ZNF385D: variants seen among roughly 807,000 people sequenced by gnomAD.
ZNF385D encodes zinc finger protein 659.
Under a neutral mutation model 35.8 loss-of-function variants are expected in ZNF385D, and 15 were observed. That is an observed-to-expected ratio of 0.42 (90% confidence interval 0.28 to 0.64). The LOEUF is 0.64. Among genes scored for constraint, ZNF385D ranks in the 30% least tolerant of loss-of-function variants. The pLI is 0.23. For synonymous variants in ZNF385D, 212 were observed against 186.8 expected, an observed-to-expected ratio of 1.13 and a Z score of -1.10; for missense variants, 474 against 494.6, an observed-to-expected ratio of 0.96 and a Z score of 0.39.
At chr3:21,581,678 A>T (rs575285912) in intron 2 of ZNF385D, among the ~76,000 whole-genome samples, 9 of 152,222 alleles carry the variant, frequency 5.9e-5, no homozygotes, top group Non-Finnish European at 1.2e-4. Context: ...TTGCATTGTT[A>T]TCTGAAGGTG....
chr3:22,197,911 T>C (rs1215854612), intron 2 of ZNF385D, among the ~76,000 whole-genome samples: 3 of 152,148 alleles, frequency 2.0e-5, no homozygotes. Context: ...CTTTTTGTTA[T>C]CATTTTATGT....
At position 21,743,948 on chromosome 3, in the gene ZNF385D, A is replaced by G. The variant is rs116175887; in HGVS notation, c.22+6947T>C. ...AAACACAAACGCATATTGGATCCCA[A>G]TTATTTGACTCATTTCTCAAGCTAT... On this transcript the variant is annotated intron_variant, in intron 1 of 7. Coordinates refer to ENST00000281523, the MANE Select transcript of ZNF385D (RefSeq NM_024697.3). Among the ~76,000 whole-genome samples the G allele has an allele frequency of 3.6e-3, 541 of 152,356 alleles. 3 individuals are homozygous for G. The highest frequency in any genetic ancestry group is 0.013 in the African/African-American group (530 of 41,586).
chr3:22,171,989 T>A (rs1393277707), intron 2 of ZNF385D, among the ~76,000 whole-genome samples: 4 of 151,734 alleles, frequency 2.6e-5, no homozygotes, highest in East Asian at 1.9e-4. Context: ...TCCTCCCCAA[T>A]ATGGTAAAAA....
In ZNF385D at chr3:21,724,296, T is replaced by C. The variant is rs549738771; in HGVS notation, c.22+26599A>G. On this transcript the variant is annotated intron_variant, in intron 1 of 7. Transcript: ENST00000281523. ...ATAATGACAGGCTCAAATTCGCACA[T>C]AACAATATTAACCTTAAATGTAACA... Among the ~76,000 whole-genome samples the C allele has an allele frequency of 2.0e-3, 307 of 151,660 alleles. 2 individuals carry two copies. The highest frequency in any genetic ancestry group is 7.2e-3 in the African/African-American group (296 of 41,278).
intron 3 of ZNF385D, among the ~76,000 whole-genome samples, chr3:21,997,866 C>CGTGT (rs1162271257): frequency 1.0e-5 from 1 of 97,808 alleles, no homozygotes; most frequent in African/African-American, 3.4e-5. Context: ...GGCGCGCGCG[C>CGTGT]GCGCGCGTGT....
chr3:21,887,061 G>T (rs1229488084), intron 3 of ZNF385D, among the ~76,000 whole-genome samples: 1 of 152,130 alleles, frequency 6.6e-6, no homozygotes, highest in Non-Finnish European at 1.5e-5. Context: ...TTATGGATGT[G>T]TCAAGTTGCC....
At chr3:21,566,785 T>C (rs2063162706) in intron 2 of ZNF385D, among the ~76,000 whole-genome samples, 1 of 152,174 alleles carries the variant, frequency 6.6e-6, no homozygotes, top group African/African-American at 2.4e-5. Context: ...TGAGGATAAT[T>C]GTCACACAGA....
chr3:22,017,148 G>A (rs1182217908), intron 3 of ZNF385D, among the ~76,000 whole-genome samples: 1 of 151,810 alleles, frequency 6.6e-6, no homozygotes, highest in Non-Finnish European at 1.5e-5. Context: ...ATATTTTTAT[G>A]GTTATGAGAG....
intron 3 of ZNF385D, among the ~76,000 whole-genome samples, chr3:22,104,791 C>T (rs1332371967): frequency 2.0e-5 from 3 of 152,070 alleles, no homozygotes; most frequent in East Asian, 1.9e-4. Flanking sequence ...TTCTGTGCCA[C>T]GAAGTATACT....
intron 3 of ZNF385D, among the ~76,000 whole-genome samples, chr3:21,535,482 C>T (rs1285742394): frequency 1.3e-5 from 2 of 152,030 alleles, no homozygotes; most frequent in Non-Finnish European, 2.9e-5. Context: ...GTTAAAGCAA[C>T]AGAAAAATGT....
chr3:21,890,794 G>C (rs769338822), intron 3 of ZNF385D, among the ~76,000 whole-genome samples: 1 of 152,156 alleles, frequency 6.6e-6, no homozygotes, highest in Non-Finnish European at 1.5e-5. Flanking sequence ...GTAATAAAGA[G>C]TCAAAAAGAT....
At chr3:21,602,518 T>C (rs1358791270) in intron 2 of ZNF385D, among the ~76,000 whole-genome samples, 5 of 17,336 alleles carry the variant, frequency 2.9e-4, no homozygotes, top group African/African-American at 1.7e-3. Context: ...CTGCATTTTC[T>C]TTTTTTTTTT....
chr3:22,029,925 G>T (rs566003611), intron 3 of ZNF385D, among the ~76,000 whole-genome samples: 1 of 152,080 alleles, frequency 6.6e-6, no homozygotes, highest in South Asian at 2.1e-4. Flanking sequence ...ACAAAGTATT[G>T]ATCCCCTGGA....
intron 2 of ZNF385D, among the ~76,000 whole-genome samples, chr3:22,264,199 AGTATGT>A (rs1700779754): frequency 6.6e-6 from 1 of 152,036 alleles, no homozygotes; most frequent in African/African-American, 2.4e-5. Flanking sequence ...AAATTCAGTA[AGTATGT>A]GACAAAGTGA....
chr3:21,905,360 G>A (rs1042974577), intron 3 of ZNF385D, among the ~76,000 whole-genome samples: 1 of 151,992 alleles, frequency 6.6e-6, no homozygotes, highest in African/African-American at 2.4e-5. Context: ...AGAGATAGCA[G>A]CAGACTTTTC....
intron 2 of ZNF385D, among the ~76,000 whole-genome samples, chr3:21,620,369 C>T (rs1230264597): frequency 6.6e-6 from 1 of 152,050 alleles, no homozygotes; most frequent in Non-Finnish European, 1.5e-5. Flanking sequence ...CTTCCTCTGC[C>T]CCCATCTCCT....
chr3:21,846,954 C>CA (rs1319450052), intron 3 of ZNF385D, among the ~76,000 whole-genome samples: 8 of 151,980 alleles, frequency 5.3e-5, no homozygotes, highest in African/African-American at 1.9e-4. Flanking sequence ...GAAGCTATGG[C>CA]ATAAAAAGGT....
At chr3:22,351,765 T>C (rs1368760001) in intron 2 of ZNF385D, among the ~76,000 whole-genome samples, 3 of 152,150 alleles carry the variant, frequency 2.0e-5, no homozygotes, top group Admixed American at 6.5e-5. Flanking sequence ...AGTACTATCA[T>C]GGGTTTCACA....
chr3:21,982,511 T>TA (rs1694530926), intron 3 of ZNF385D, among the ~76,000 whole-genome samples: 1 of 152,118 alleles, frequency 6.6e-6, no homozygotes, highest in Non-Finnish European at 1.5e-5. Context: ...TCTAGATATA[T>TA]AATCATGTTG....
Sources: gnomAD v4.1 joint callset for allele counts (sites outside exome capture counted in the v4.1 genomes callset) on GRCh38, gnomAD v4.1.1 for gene constraint, MANE v1.5 for transcripts, NCBI Gene and HGNC (gene_info 2026-07-23, HGNC 2026-07-21) for gene names.